The following FGB variants were observed in gnomAD, a reference collection of about 807,000 sequenced individuals.
FGB encodes beta-fibrinogen.
Under a neutral mutation model 57.9 loss-of-function variants are expected in FGB, and 25 were observed. That is an observed-to-expected ratio of 0.43 (90% CI 0.31 to 0.60). FGB has a LOEUF of 0.60. Among genes scored for constraint, FGB ranks in the 20% least tolerant of loss-of-function variants. FGB has a pLI of 0.08. For missense variants in FGB, 536 were observed against 598.4 expected (o/e 0.90, Z 1.09); for synonymous variants, 203 against 199.2 (o/e 1.02, Z -0.16).
Position 154,569,707 on chromosome 4 carries a change from G to T in FGB, c.1152G>T (p.Met384Ile), listed in dbSNP as rs765976401. ...KYRGTAGNAL[M>I]DGASQLMGEN... ...GAGGAACAGCCGGTAATGCCCTCAT[G>T]GATGGAGCATCTCAGCTGATGGGAG... is the stretch of plus-strand genomic sequence containing the variant. Residue 384 changes from methionine (M) to isoleucine (I), a missense_variant, in exon 7 of 8, where the codon ATG becomes ATT. Coordinates refer to ENST00000302068, the MANE Select transcript of FGB (RefSeq NM_005141.5). 1 of 1,614,072 alleles carries T rather than the reference G, an allele frequency of 6.2e-7. No homozygotes were observed. Among genetic ancestry groups the T allele is most frequent in the South Asian group, 1.1e-5 (1 of 91,076 alleles).
chr4:154,572,710 G>A lies in FGB; in HGVS notation c.*2060G>A, dbSNP rs1730477918. ...CTGTCGGATGCATCTGTCATACAAA[G>A]TGTTTAACATATACGATTTCATGAT... On this transcript the variant is annotated 3_prime_UTR_variant, in exon 8 of 8. Coordinates refer to ENST00000302068, the MANE Select transcript of FGB (RefSeq NM_005141.5). Among the ~76,000 whole-genome samples the A allele has an allele frequency of 6.6e-6, 1 of 152,100 alleles. No homozygotes were observed. The highest frequency in any genetic ancestry group is 1.5e-5 in the Non-Finnish European group (1 of 68,026).
chr4:154,567,750 C>T lies in FGB; in HGVS notation c.648C>T (p.Val216=). The T allele has an allele frequency of 6.2e-7, 1 of 1,614,126 alleles. No individual in the cohort carries two copies. Among genetic ancestry groups the T allele is most frequent in the Admixed American group, 1.7e-5 (1 of 60,012 alleles). Residue 216 remains valine (V), a synonymous_variant, in exon 4 of 8, where the codon GTC becomes GTT. Coordinates refer to ENST00000302068, the MANE Select transcript of FGB (RefSeq NM_005141.5). ...AAATACAAAAGTTAGAATCTGATGTCTCAGCTCAAATGGAATATTGTCGCA... is the reference window on the plus strand; with the variant it reads ...AAATACAAAAGTTAGAATCTGATGTTTCAGCTCAAATGGAATATTGTCGCA... ...RSKIQKLESD[V]SAQMEYCRTP...
Position 154,565,631 on chromosome 4 carries a change from A to G in FGB, c.115-177A>G, listed in dbSNP as rs2227405. ...GCTTTTTTGTGCAGTTGGTCTTTCT[A>G]CTGTTACTGAACAGTAAGCAACCTA... On this transcript the variant is annotated intron_variant, in intron 1 of 7. Transcript: ENST00000302068. 1,795 of 632,966 alleles carry G rather than the reference A, an allele frequency of 2.8e-3. 25 individuals carry two copies. The African/African-American group carries it at 0.029, about 10-fold the overall frequency. 39.2% of individuals were successfully genotyped at this position (632,966 alleles called of 1,614,324 possible). A position where few individuals can be genotyped will look rare whatever the true frequency, so the allele number is the denominator to read the frequency against.
At chr4:154,569,041 C>T in intron 5 of FGB, 141 bp from the exon 6 acceptor site, 1 of 899,202 alleles carries the variant, frequency 1.1e-6, no homozygotes, top group South Asian at 1.5e-5. Context: ...GTTTACCTCT[C>T]ATATTTATTT....
intron 3 of FGB, chr4:154,566,875 T>G: frequency 1.7e-6 from 1 of 583,438 alleles, no homozygotes. Context: ...AAGTGTGATT[T>G]TCTATGAAAA....
rs770388453 is a variant in FGB at position 154,565,816 on chromosome 4, C to T, written c.123C>T (p.Phe41=). ...TGCCTCATTCCTTGTAGGGTTTCTT[C>T]AGTGCCCGTGGTCATCGACCCCTTG... ...QGVNDNEEGF[F]SARGHRPLDK... is the part of the protein sequence containing the mutation. Residue 41 remains phenylalanine, a synonymous_variant, in exon 2 of 8, where the codon TTC becomes TTT. Coordinates refer to ENST00000302068, the MANE Select transcript of FGB (RefSeq NM_005141.5). 1.2e-6 allele frequency: 2 copies of T among 1,614,118 alleles called. No homozygotes were observed. Among genetic ancestry groups the T allele is most frequent in the Non-Finnish European group, 1.7e-6 (2 of 1,179,984 alleles).
rs921858183 is a variant in FGB, at chr4:154,563,224, G to A, written c.114+92G>A. 6.8e-5 allele frequency: 43 copies of A among 635,498 alleles called. No homozygotes were observed. The African/African-American group carries it at 6.9e-4, about 10-fold the overall frequency. 39.4% of individuals were successfully genotyped at this position (635,498 alleles called of 1,614,324 possible). Reference sequence around the variant, plus strand: ...TTATGTGCTTATTTTAATGAAATTAGCATTGCTTATAGTTATGAAATGGAA... The same window carrying A: ...TTATGTGCTTATTTTAATGAAATTAACATTGCTTATAGTTATGAAATGGAA... On this transcript the variant is annotated intron_variant, in intron 1 of 7. Coordinates refer to ENST00000302068, the MANE Select transcript of FGB (RefSeq NM_005141.5).
chr4:154,568,232 G>GA, intron 4 of FGB, 149 bp from the exon 5 acceptor site: 1 of 667,208 alleles, frequency 1.5e-6, no homozygotes. Context: ...AAAGTAAAAT[G>GA]AAAATCTAAT....
At chr4:154,563,920 A>G (rs938305372) in intron 1 of FGB, among the ~76,000 whole-genome samples, 2 of 152,096 alleles carry the variant, frequency 1.3e-5, no homozygotes, top group Admixed American at 1.3e-4. Flanking sequence ...TAGAAATAAG[A>G]ATACACAATA....
chr4:154,568,422 A>T lies in FGB; in HGVS notation c.760A>T (p.Met254Leu), dbSNP rs1730261812. 6.2e-7 allele frequency: 1 copy of T among 1,608,612 alleles called. No individual in the cohort carries two copies. The highest frequency in any genetic ancestry group is 1.3e-5 in the African/African-American group (1 of 74,846). The change falls in exon 5 of 8, where the codon ATG becomes TTG. Residue 254 changes from methionine to leucine, a missense_variant. Met to Leu is a conservative substitution (Grantham distance 15). Transcript: ENST00000302068. ...IIRKGGETSE[M>L]YLIQPDSSVK... is the part of the protein sequence containing the mutation. ...CAGGAAAGGAGGTGAAACATCTGAAATGTATCTCATTCAACCTGACAGTTC... is the reference window on the plus strand; with the variant it reads ...CAGGAAAGGAGGTGAAACATCTGAATTGTATCTCATTCAACCTGACAGTTC...
At position 154,571,698 on chromosome 4, in the gene FGB, C is replaced by T. The variant is rs1278141269; in HGVS notation, c.*1048C>T. On this transcript the variant is annotated 3_prime_UTR_variant, in exon 8 of 8. Coordinates refer to ENST00000302068, the MANE Select transcript of FGB (RefSeq NM_005141.5). ...TTTTTTCTTCATAGTTACACCAGAA[C>T]TAAAGTAAAAGTGGTTTTTCTGTTC... Among the ~76,000 whole-genome samples the T allele has an allele frequency of 6.6e-6, 1 of 152,094 alleles. No individual in the cohort carries two copies. Among genetic ancestry groups the T allele is most frequent in the African/African-American group, 2.4e-5 (1 of 41,400 alleles).
chr4:154,563,162 T>C (rs762491885), intron 1 of FGB, 30 bp downstream of exon 1: 1 of 886,214 alleles, frequency 1.1e-6, no homozygotes, highest in South Asian at 1.5e-5. Context: ...ATTATATTAT[T>C]AGTAGTATTA....
intron 1 of FGB, among the ~76,000 whole-genome samples, chr4:154,564,204 T>C (rs988233264): frequency 1.2e-4 from 18 of 152,098 alleles, no homozygotes; most frequent in African/African-American, 3.9e-4. Flanking sequence ...GTTTAGGCTT[T>C]AAAATGGATT....
chr4:154,568,802 T>C (rs1395634896), intron 5 of FGB, among the ~76,000 whole-genome samples: 2 of 151,182 alleles, frequency 1.3e-5, no homozygotes, highest in African/African-American at 4.9e-5. Flanking sequence ...CCTGGAGTCT[T>C]GATCATGCTA....
chr4:154,563,494 A>G (rs1450537550), intron 1 of FGB, among the ~76,000 whole-genome samples: 2 of 151,908 alleles, frequency 1.3e-5, no homozygotes, highest in East Asian at 3.8e-4. Context: ...AAAATAATAA[A>G]AGAGCAGAAT....
At chr4:154,565,450 C>G in intron 1 of FGB, 1 of 293,528 alleles carries the variant, frequency 3.4e-6, no homozygotes, top group South Asian at 3.5e-5. Context: ...ATCTAACAAT[C>G]CAAGTGGCTT....
chr4:154,570,398 G>A (rs754178629), intron 7 of FGB, 21 bp from the exon 8 acceptor site: 22 of 1,590,364 alleles, frequency 1.4e-5, no homozygotes, highest in East Asian at 4.5e-5. Context: ...TTCTAATAAC[G>A]CCAAACACAT....
chr4:154,570,233 C>T (rs1370118349), intron 7 of FGB, among the ~76,000 whole-genome samples, 186 bp from the exon 8 acceptor site: 3 of 152,108 alleles, frequency 2.0e-5, no homozygotes, highest in African/African-American at 4.8e-5. Context: ...CACAAAGGCC[C>T]AGTTATCTCT....
chr4:154,569,652 A>G lies in FGB; in HGVS notation c.1097A>G (p.Asn366Ser), dbSNP rs1578785339. The G allele has an allele frequency of 6.2e-7, 1 of 1,614,206 alleles. No individual in the cohort carries two copies. The highest frequency in any genetic ancestry group is 8.5e-7 in the Non-Finnish European group (1 of 1,180,030). Reference sequence around the variant, plus strand: ...GGATTCACTGTACAGAATGAAGCCAACAAATACCAGATCTCAGTGAACAAA... The same window carrying G: ...GGATTCACTGTACAGAATGAAGCCAGCAAATACCAGATCTCAGTGAACAAA... ...YGGFTVQNEA[N>S]KYQISVNKYR... is the part of the protein sequence containing the mutation. Residue 366 changes from asparagine (N) to serine (S), a missense_variant, in exon 7 of 8, where the codon AAC (asparagine) becomes AGC (serine). Asn to Ser is a conservative substitution (Grantham distance 46). Around this residue, in one of 3 missense-constraint regions of FGB, gnomAD observed 177 missense variants for 193.7 expected, o/e 0.91. Transcript: ENST00000302068.
Sources: gnomAD v4.1 joint callset for allele counts (sites outside exome capture counted in the v4.1 genomes callset) on GRCh38, gnomAD v4.1.1 for gene constraint, gnomAD v4.1.1 regional missense constraint, MANE v1.5 for transcripts, NCBI Gene and HGNC (gene_info 2026-07-23, HGNC 2026-07-21) for gene names.